The following NANP variants were observed in gnomAD, a reference collection of about 807,000 sequenced individuals.
NANP encodes the protein N-acylneuraminate-9-phosphatase.
Under a neutral mutation model 16.9 loss-of-function variants are expected in NANP, and 15 were observed. The observed-to-expected ratio is 0.89, with a 90% confidence interval of 0.59 to 1.37. The LOEUF (loss-of-function observed/expected upper bound fraction) is 1.37, where lower values mean the gene tolerates loss of function less well. Ranked by LOEUF, NANP falls within the 40% of genes most tolerant of loss-of-function variation. The probability of loss-of-function intolerance (pLI) is 0.00; values close to 1 mark genes in which losing one functional copy is unlikely to be tolerated. For synonymous variants in NANP, 135 were observed against 112.6 expected (o/e 1.20, Z -1.26); for missense variants, 290 against 303.5 (o/e 0.96, Z 0.33).
chr20:25,614,446 T>G lies in NANP; in HGVS notation c.*1479A>C, dbSNP rs1156407424. The G allele has an allele frequency of 1.3e-5, 2 of 152,216 alleles. No homozygotes were observed. The highest frequency in any genetic ancestry group is 2.9e-5 in the Non-Finnish European group (2 of 68,042). The allele number at this position is 152,216 out of a possible 1,614,324, so 9.4% of individuals were successfully genotyped here. A position where few individuals can be genotyped will look rare whatever the true frequency, so the allele number is the denominator to read the frequency against. ...TTTACTCCAGGTTTGGTTAGTATAA[T>G]CATGAGACTGTCTAGCCTAATAGTC... On this transcript the variant is annotated 3_prime_UTR_variant, in exon 2 of 2. Coordinates refer to ENST00000304788, the MANE Select transcript of NANP (RefSeq NM_152667.3).
intron 1 of NANP, among the ~76,000 whole-genome samples, chr20:25,620,051 C>T (rs185502081): frequency 8.5e-5 from 13 of 152,222 alleles, no homozygotes; most frequent in Admixed American, 3.9e-4. Flanking sequence ...GGTTGGTATG[C>T]GACAATAAGT....
chr20:25,622,552 ACAGGAC>A (rs2065369455), intron 1 of NANP, among the ~76,000 whole-genome samples: 1 of 152,220 alleles, frequency 6.6e-6, no homozygotes, highest in East Asian at 1.9e-4. Context: ...ATTGAAATGC[ACAGGAC>A]TCAGCTTACT....
At chr20:25,623,648 T>A (rs1213423626) in intron 1 of NANP, among the ~76,000 whole-genome samples, 1 of 152,102 alleles carries the variant, frequency 6.6e-6, no homozygotes, top group Non-Finnish European at 1.5e-5. Context: ...GGCTCGAGAT[T>A]GGGTGACAAG....
intron 1 of NANP, among the ~76,000 whole-genome samples, chr20:25,623,351 TA>T (rs1042890210): frequency 2.6e-5 from 4 of 152,244 alleles, no homozygotes; most frequent in African/African-American, 9.6e-5. Context: ...GACAATTCTC[TA>T]AAGCAGGGCT....
Position 25,616,548 on chromosome 20 carries a change from T to C in NANP, c.124A>G (p.Lys42Glu). ...TCACAGATGATTTCAGCCTCTTCTT[T>C]ATAATGGTATTTTGATTGTAAGAGT... ...IKLLQSKYHY[K>E]EEAEIICDKV... Residue 42 changes from lysine (K) to glutamate (E), a missense_variant, in exon 2 of 2, where the codon AAA becomes GAA. Lys to Glu is a moderately conservative substitution (Grantham distance 56). Coordinates refer to ENST00000304788, the MANE Select transcript of NANP (RefSeq NM_152667.3). 6.2e-7 allele frequency: 1 copy of C among 1,601,708 alleles called. No homozygotes were observed. Among genetic ancestry groups the C allele is most frequent in the Non-Finnish European group, 8.5e-7 (1 of 1,175,440 alleles).
At position 25,613,745 on chromosome 20, in the gene NANP, A is replaced by T; in HGVS notation, c.*2180T>A. 2.5e-6 allele frequency: 1 copy of T among 398,480 alleles called. No homozygotes were observed. The highest frequency in any genetic ancestry group is 4.4e-5 in the Admixed American group (1 of 22,718). The allele number at this position is 398,480 out of a possible 1,614,324, so 24.7% of individuals were successfully genotyped here. ...GAAGACAAGGAAATTTAATTATTCA[A>T]TTTTTTCCTTCTACATCATTTCTGC... On this transcript the variant is annotated 3_prime_UTR_variant, in exon 2 of 2. Transcript: ENST00000304788.
intron 1 of NANP, among the ~76,000 whole-genome samples, chr20:25,620,314 G>A (rs2065359425): frequency 6.6e-6 from 1 of 152,156 alleles, no homozygotes; most frequent in Non-Finnish European, 1.5e-5. Flanking sequence ...AGCCCACAAG[G>A]TGCTCGCTGG....
Position 25,614,835 on chromosome 20 carries a change from A to G in NANP, c.*1090T>C, listed in dbSNP as rs1457503914. The G allele has an allele frequency of 1.3e-5, 2 of 151,960 alleles. No individual in the cohort carries two copies. The highest frequency in any genetic ancestry group is 4.8e-5 in the African/African-American group (2 of 41,352). The allele number at this position is 151,960 out of a possible 1,614,324, so 9.4% of individuals were successfully genotyped here. On this transcript the variant is annotated 3_prime_UTR_variant, in exon 2 of 2. Transcript: ENST00000304788. Reference sequence around the variant, plus strand: ...AAATCCCATCTCTACAAAAACACACATTAGCTGGGCGTGGTAGTGTGTACT... The same window carrying G: ...AAATCCCATCTCTACAAAAACACACGTTAGCTGGGCGTGGTAGTGTGTACT...
At chr20:25,623,696 G>A (rs1408256431) in intron 1 of NANP, among the ~76,000 whole-genome samples, 163 bp downstream of exon 1, 1 of 152,122 alleles carries the variant, frequency 6.6e-6, no homozygotes, top group Admixed American at 6.5e-5. Context: ...CGCAGGGCCC[G>A]CGCGCCTCCA....
In NANP at chr20:25,616,354, C is replaced by T; in HGVS notation, c.318G>A (p.Gln106=). The part of the protein sequence containing the change: ...CYFLWKSTRL[Q]HMTLAEDVKA... ...TGACGTCTTCTGCTAGTGTCATATG[C>T]TGTAAACGTGTAGATTTCCAAAGGA... is the stretch of plus-strand genomic sequence containing the variant. Residue 106 remains glutamine, a synonymous_variant, in exon 2 of 2, where the codon CAG becomes CAA. Transcript: ENST00000304788. The T allele has an allele frequency of 6.2e-7, 1 of 1,614,152 alleles. No individual in the cohort carries two copies.
chr20:25,622,395 T>C (rs1191012633), intron 1 of NANP, among the ~76,000 whole-genome samples: 4 of 152,252 alleles, frequency 2.6e-5, no homozygotes, highest in South Asian at 4.1e-4. Context: ...ATAATTCACA[T>C]TTTATGAAGA....
chr20:25,618,112 A>G (rs571547627), intron 1 of NANP, among the ~76,000 whole-genome samples: 5 of 148,312 alleles, frequency 3.4e-5, no homozygotes, highest in Admixed American at 1.4e-4. Context: ...CCTTTGCACT[A>G]TGTGTTAAGC....
rs1189802356 is a variant in NANP, at chr20:25,613,509, A to G, written c.*2416T>C. 4.3e-6 allele frequency: 1 copy of G among 231,772 alleles called. No individual in the cohort carries two copies. The highest frequency in any genetic ancestry group is 8.0e-5 in the East Asian group (1 of 12,512). 14.4% of individuals were successfully genotyped at this position (231,772 alleles called of 1,614,324 possible). A position where few individuals can be genotyped will look rare whatever the true frequency, so the allele number is the denominator to read the frequency against. On this transcript the variant is annotated 3_prime_UTR_variant, in exon 2 of 2. Coordinates refer to ENST00000304788, the MANE Select transcript of NANP (RefSeq NM_152667.3). ...AGAAGGCCACTACAGGGAAACTTTG[A>G]AAAAAAATAAAGATGACAAAACATC... is the stretch of plus-strand genomic sequence containing the variant.
rs1217495081 is a variant in NANP, at chr20:25,616,397, AATTTTCT to A, written c.268_274del (p.Arg90TrpfsTer17). 1 of 1,614,168 alleles carries A rather than the reference AATTTTCT, an allele frequency of 6.2e-7. No homozygotes were observed. The highest frequency in any genetic ancestry group is 2.2e-5 in the East Asian group (1 of 44,886). Reference sequence around the variant, plus strand: ...CCAAAGGAAATAACATTCTTCAGCCAATTTTCTATTGGCTGCACCACCTTTTGTTTCC... The same window carrying A: ...CCAAAGGAAATAACATTCTTCAGCCAATTGGCTGCACCACCTTTTGTTTCC... On this transcript the variant is annotated frameshift_variant, in exon 2 of 2. Coordinates refer to ENST00000304788, the MANE Select transcript of NANP (RefSeq NM_152667.3). LOFTEE classifies it high-confidence loss of function.
At chr20:25,622,907 C>T (rs1403156070) in intron 1 of NANP, among the ~76,000 whole-genome samples, 1 of 152,112 alleles carries the variant, frequency 6.6e-6, no homozygotes, top group Non-Finnish European at 1.5e-5. Context: ...GAAGAATAGC[C>T]CAAAGGGAGG....
Position 25,615,391 on chromosome 20 carries a change from G to C in NANP, c.*534C>G, listed in dbSNP as rs138070824. ...ACATCCAAAGTAGGCAAAAACTATG[G>C]TTTATGTTTTCAAAATATGCAAAAT... On this transcript the variant is annotated 3_prime_UTR_variant, in exon 2 of 2. Transcript: ENST00000304788. 135 of 152,142 alleles carry C rather than the reference G, an allele frequency of 8.9e-4. No homozygotes were observed. The highest frequency in any genetic ancestry group is 3.1e-3 in the African/African-American group (129 of 41,508). The allele number at this position is 152,142 out of a possible 1,614,324, so 9.4% of individuals were successfully genotyped here.
rs760810276 is a variant in NANP, at chr20:25,616,280, G to A, written c.392C>T (p.Thr131Met). ...CCTCTGGGTCTGTCTGTCCCCATTC[G>A]TTAATAGAAGTAGGCGGACCTCCTT... is the stretch of plus-strand genomic sequence containing the variant. ...LRKEVRLLLLTNGDRQTQREK... is the reference protein window; with the variant it reads ...LRKEVRLLLLMNGDRQTQREK... The change falls in exon 2 of 2, where the codon ACG (threonine) becomes ATG (methionine). Residue 131 changes from threonine to methionine, a missense_variant. Physicochemically the swap from Thr to Met is moderately conservative, Grantham distance 81. Transcript: ENST00000304788. The A allele has an allele frequency of 1.6e-5, 26 of 1,614,152 alleles. No individual in the cohort carries two copies. Among genetic ancestry groups the A allele is most frequent in the Middle Eastern group, 1.6e-4 (1 of 6,062 alleles).
chr20:25,622,642 T>C (rs1364869113), intron 1 of NANP, among the ~76,000 whole-genome samples: 6 of 152,210 alleles, frequency 3.9e-5, no homozygotes, highest in Non-Finnish European at 5.9e-5. Context: ...GTGGCACCCC[T>C]GAGGTGGAGG....
Position 25,616,549 on chromosome 20 carries a change from A to T in NANP, c.123T>A (p.Tyr41Ter), listed in dbSNP as rs1164436956. The T allele has an allele frequency of 6.2e-7, 1 of 1,601,620 alleles. No individual in the cohort carries two copies. Residue 41 changes from tyrosine (Y) to a stop codon, truncating the protein, a stop_gained, in exon 2 of 2, where the codon TAT becomes TAA. Transcript: ENST00000304788. LOFTEE classifies it high-confidence loss of function. Reference sequence around the variant, plus strand: ...CACAGATGATTTCAGCCTCTTCTTTATAATGGTATTTTGATTGTAAGAGTT... The same window carrying T: ...CACAGATGATTTCAGCCTCTTCTTTTTAATGGTATTTTGATTGTAAGAGTT... The part of the protein sequence containing the change: ...VIKLLQSKYH[Y>*]KEEAEIICDK...
Sources: allele counts gnomAD v4.1 joint callset (sites outside exome capture counted in the v4.1 genomes callset), GRCh38; gene constraint gnomAD v4.1.1; transcripts MANE v1.5; gene names NCBI Gene and HGNC (gene_info 2026-07-23, HGNC 2026-07-21).